The following MYRIP variants were observed in gnomAD, a reference collection of about 807,000 sequenced individuals.
MYRIP encodes rab effector MyRIP.
In MYRIP, 49 loss-of-function variants were observed where a neutral mutation model predicts 98.0. The ratio of observed to expected loss-of-function variants is 0.50; its 90% CI spans 0.40 to 0.63. MYRIP has a LOEUF of 0.63. MYRIP is among the 30% of genes least tolerant of loss of function. The pLI is 0.00. For missense variants in MYRIP, 1,004 were observed against 1,058.2 expected, an observed-to-expected ratio of 0.95 and a Z score of 0.71; for synonymous variants, 404 against 409.5, an observed-to-expected ratio of 0.99 and a Z score of 0.16.
intron 9 of MYRIP, among the ~76,000 whole-genome samples, chr3:40,187,718 CCT>C (rs776452030): frequency 6.6e-6 from 1 of 152,198 alleles, no homozygotes; most frequent in Non-Finnish European, 1.5e-5. Flanking sequence ...CCAGGCCCTG[CCT>C]CAGGGACCTT....
chr3:39,975,333 T>C (rs1043020985), intron 2 of MYRIP, among the ~76,000 whole-genome samples: 10 of 151,994 alleles, frequency 6.6e-5, no homozygotes, highest in East Asian at 1.9e-4. Context: ...AGGAATCCGA[T>C]TTACAAGGGA....
At chr3:40,145,653 T>TCACATCTTTGAACCTGGCTGCTTTA (rs1949992629) in intron 3 of MYRIP, among the ~76,000 whole-genome samples, 1 of 152,208 alleles carries the variant, frequency 6.6e-6, no homozygotes, top group South Asian at 2.1e-4. Flanking sequence ...TCTGAAAAAG[T>TCACATCTTTGAACCTGGCTGCTTTA]CACATCTTTG....
chr3:40,243,678 T>C (rs1953096846), intron 12 of MYRIP, among the ~76,000 whole-genome samples: 1 of 152,202 alleles, frequency 6.6e-6, no homozygotes, highest in Non-Finnish European at 1.5e-5. Flanking sequence ...GGGGGGGTAT[T>C]TGTTTCATTC....
At chr3:39,918,737 A>G (rs774125281) in intron 2 of MYRIP, among the ~76,000 whole-genome samples, 14 of 152,222 alleles carry the variant, frequency 9.2e-5, no homozygotes, top group Admixed American at 7.8e-4. Context: ...TACAGAAAGA[A>G]TGGGGACTCA....
At chr3:40,254,168 G>A (rs6762700) in intron 16 of MYRIP, among the ~76,000 whole-genome samples, 2 of 152,150 alleles carry the variant, frequency 1.3e-5, no homozygotes, top group Admixed American at 6.5e-5. Context: ...ATCATTTTAT[G>A]AGGTTTATTT....
intron 1 of MYRIP, among the ~76,000 whole-genome samples, chr3:39,820,548 C>G (rs71329593): frequency 0.012 from 1,842 of 152,204 alleles, 17 homozygotes; most frequent in Middle Eastern, 0.02. Flanking sequence ...TTGTGTTTGT[C>G]TTACATGAAT....
chr3:39,924,148 A>G (rs544763458), intron 2 of MYRIP, among the ~76,000 whole-genome samples: 185 of 152,278 alleles, frequency 1.2e-3, no homozygotes, highest in Middle Eastern at 0.01. Context: ...ATGACATTAA[A>G]TGTAAATGGC....
intron 1 of MYRIP, among the ~76,000 whole-genome samples, chr3:39,875,861 T>G (rs1942975991): frequency 6.6e-6 from 1 of 152,164 alleles, no homozygotes; most frequent in Non-Finnish European, 1.5e-5. Flanking sequence ...TTAGGTGCAC[T>G]TGGTGCAGAG....
At chr3:40,069,112 T>A (rs567690935) in intron 3 of MYRIP, among the ~76,000 whole-genome samples, 1 of 152,148 alleles carries the variant, frequency 6.6e-6, no homozygotes, top group African/African-American at 2.4e-5. Context: ...CTGGTACCCA[T>A]GGGACAAAAG....
At chr3:40,221,685 C>T (rs1340448869) in intron 11 of MYRIP, among the ~76,000 whole-genome samples, 1 of 152,106 alleles carries the variant, frequency 6.6e-6, no homozygotes, top group Non-Finnish European at 1.5e-5. Context: ...AAACAGGCAG[C>T]CTGCCACCAT....
chr3:39,981,315 C>T (rs1420268586), intron 2 of MYRIP, among the ~76,000 whole-genome samples: 1 of 152,168 alleles, frequency 6.6e-6, no homozygotes, highest in African/African-American at 2.4e-5. Context: ...TTGTATTCTT[C>T]CCTGTTACAT....
chr3:40,035,634 A>G (rs371144817), intron 2 of MYRIP, among the ~76,000 whole-genome samples: 1 of 152,066 alleles, frequency 6.6e-6, no homozygotes, highest in East Asian at 1.9e-4. Flanking sequence ...GAACCAAGGA[A>G]TGAATGGCAC....
In MYRIP at chr3:40,210,147, G is replaced by A. The variant is rs979485242; in HGVS notation, c.1905+54G>A. 7.0e-6 allele frequency: 11 copies of A among 1,578,412 alleles called. No homozygotes were observed. The African/African-American group carries it at 1.5e-4, about 21-fold the overall frequency. On this transcript the variant is annotated intron_variant, in intron 11 of 16. Transcript: ENST00000302541. ...GCTCAAGCTTCTGCAGTGGGGTGTT[G>A]GAGAAAGATCCTATATTGGTGCAGA...
At chr3:39,878,187 G>A (rs1943060471) in intron 1 of MYRIP, among the ~76,000 whole-genome samples, 2 of 152,182 alleles carry the variant, frequency 1.3e-5, no homozygotes, top group Non-Finnish European at 2.9e-5. Flanking sequence ...CCGTTTTTTA[G>A]GCCTGTCGGA....
At chr3:40,040,131 A>T (rs1947478219) in intron 2 of MYRIP, among the ~76,000 whole-genome samples, 1 of 152,234 alleles carries the variant, frequency 6.6e-6, no homozygotes, top group Non-Finnish European at 1.5e-5. Context: ...ATAGTTACAG[A>T]TTCCAGTGAT....
At chr3:40,157,962 AT>A (rs1338565110) in intron 4 of MYRIP, among the ~76,000 whole-genome samples, 29 of 151,950 alleles carry the variant, frequency 1.9e-4, no homozygotes, top group Non-Finnish European at 4.0e-4. Context: ...GGATTCATTT[AT>A]TTTTTGAAGG....
At chr3:40,034,989 C>G (rs193299589) in intron 2 of MYRIP, among the ~76,000 whole-genome samples, 6 of 147,012 alleles carry the variant, frequency 4.1e-5, no homozygotes, top group African/African-American at 1.5e-4. Context: ...AACCAAACAC[C>G]GCATGTTCTC....
rs142520074 is a variant in MYRIP at position 40,170,073 on chromosome 3, C to T, written c.853C>T (p.Arg285Cys). 1.7e-5 allele frequency: 27 copies of T among 1,614,068 alleles called. No homozygotes were observed. Among genetic ancestry groups the T allele is most frequent in the East Asian group, 6.7e-5 (3 of 44,882 alleles). ...GACCTCAGCATCCCCTGGAGGCTAC[C>T]GTGCTCCCGCTGCCCTCTGGGTGAG... ...EGTSASPGGY[R>C]APAALWRSQS... The change falls in exon 8 of 17, where the codon CGT (arginine) becomes TGT (cysteine). Residue 285 changes from arginine to cysteine, a missense_variant. Coordinates refer to ENST00000302541, the MANE Select transcript of MYRIP (RefSeq NM_015460.4).
At chr3:39,994,356 C>T (rs996855380) in intron 2 of MYRIP, among the ~76,000 whole-genome samples, 1 of 152,256 alleles carries the variant, frequency 6.6e-6, no homozygotes, top group Non-Finnish European at 1.5e-5. Flanking sequence ...TGCGCTTTTC[C>T]TATGGTCTTA....
Sources: gnomAD v4.1 joint callset for allele counts (sites outside exome capture counted in the v4.1 genomes callset) on GRCh38, gnomAD v4.1.1 for gene constraint, MANE v1.5 for transcripts, NCBI Gene and HGNC (gene_info 2026-07-23, HGNC 2026-07-21) for gene names.